DAPK2: variants seen among roughly 807,000 people sequenced by gnomAD.
DAPK2 encodes death-associated protein kinase 2.
In DAPK2, 35 loss-of-function variants were observed where a neutral mutation model predicts 44.1. The observed-to-expected ratio is 0.79, with a 90% CI of 0.61 to 1.05. The LOEUF (loss-of-function observed/expected upper bound fraction) is 1.05, where lower values mean the gene tolerates loss of function less well. DAPK2 is among the 50% of genes least tolerant of loss of function. DAPK2 has a pLI of 0.00. For synonymous variants in DAPK2, 174 were observed against 182.6 expected (o/e 0.95, Z 0.38); for missense variants, 453 against 483.2 (o/e 0.94, Z 0.59).
chr15:63,979,538 C>T (rs1180268493), intron 2 of DAPK2, among the ~76,000 whole-genome samples: 1 of 152,194 alleles, frequency 6.6e-6, no homozygotes, highest in Non-Finnish European at 1.5e-5. Context: ...TGGGCAAACC[C>T]ACTAACCTAT....
In DAPK2 at chr15:63,912,480, G is replaced by C. The variant is rs894567854; in HGVS notation, c.859-283C>G. 3.3e-5 allele frequency among the ~76,000 whole-genome samples: 5 copies of C among 152,242 alleles called. No homozygotes were observed. Among genetic ancestry groups the C allele is most frequent in the Admixed American group, 2.0e-4 (3 of 15,284 alleles). ...CCTGAAGGGGAATAGCAGGAGGCAG[G>C]CCCTCCAATCGCACATCACTTTGGG... is the stretch of plus-strand genomic sequence containing the variant. On this transcript the variant is annotated intron_variant, in intron 8 of 10. Coordinates refer to ENST00000261891, the Ensembl canonical transcript of DAPK2. This position sits in a 1 kb window ranked among gnomAD's most constrained non-coding sequence, Gnocchi z 4.4.
At chr15:64,043,004 C>A (rs1330632667), upstream of DAPK2, among the ~76,000 whole-genome samples, 1 of 152,178 alleles carries the variant, frequency 6.6e-6, no homozygotes, top group African/African-American at 2.4e-5. Context: ...ATGTCTAACC[C>A]AGAGGGAGAG....
intron 1 of DAPK2, among the ~76,000 whole-genome samples, chr15:64,026,970 T>C (rs527513376): frequency 6.6e-6 from 1 of 152,118 alleles, no homozygotes; most frequent in African/African-American, 2.4e-5. Flanking sequence ...ATGACTTACA[T>C]AGTGGCTCAC....
intron 3 of DAPK2, among the ~76,000 whole-genome samples, chr15:63,943,021 T>C (rs2077352967): frequency 1.3e-5 from 2 of 151,464 alleles, no homozygotes; most frequent in African/African-American, 4.9e-5. Flanking sequence ...CCCTGCAATA[T>C]ACAGGACCCA....
rs561767576 is a variant in DAPK2, at chr15:64,021,532, G to A, written c.92+18638C>T. Among the ~76,000 whole-genome samples, 51 of 152,324 alleles carry A rather than the reference G, an allele frequency of 3.3e-4. No homozygotes were observed. The Middle Eastern group carries it at 0.01, about 30-fold the overall frequency. On this transcript the variant is annotated intron_variant, in intron 1 of 10. Transcript: ENST00000261891. ...GATGGCTTTACCAGCCCCTGTGCTCGTTGAGTGCCTACTGTGGATCCAGCC... is the reference window on the plus strand; with the variant it reads ...GATGGCTTTACCAGCCCCTGTGCTCATTGAGTGCCTACTGTGGATCCAGCC...
chr15:64,006,134 A>G (rs1160042851), intron 1 of DAPK2, among the ~76,000 whole-genome samples: 1 of 151,052 alleles, frequency 6.6e-6, no homozygotes, highest in African/African-American at 2.4e-5. Flanking sequence ...CTGGCATCCC[A>G]TCACTCCTGA....
intron 3 of DAPK2, among the ~76,000 whole-genome samples, chr15:63,963,925 T>C (rs1176381125): frequency 6.6e-6 from 1 of 152,218 alleles, no homozygotes; most frequent in Non-Finnish European, 1.5e-5. Context: ...TCTTGAAACA[T>C]TGTAGTTATT....
intron 6 of DAPK2, among the ~76,000 whole-genome samples, chr15:63,928,936 C>T (rs2079409495): frequency 1.3e-5 from 2 of 152,302 alleles, no homozygotes; most frequent in South Asian, 4.1e-4. Context: ...GGCACAGTGG[C>T]TCATACCTGT....
intron 1 of DAPK2, among the ~76,000 whole-genome samples, chr15:64,007,104 T>C (rs1165429449): frequency 6.6e-6 from 1 of 151,970 alleles, no homozygotes; most frequent in African/African-American, 2.4e-5. Context: ...ACTACAAATG[T>C]GTGCCAACCT....
At chr15:63,989,188 CA>C (rs55972299) in intron 1 of DAPK2, among the ~76,000 whole-genome samples, 324 of 109,806 alleles carry the variant, frequency 3.0e-3, no homozygotes, top group African/African-American at 0.011. Flanking sequence ...ACTTTGTCTC[CA>C]AAAAAAAAAA....
At chr15:63,937,930 C>G (rs1461655714) in intron 4 of DAPK2, among the ~76,000 whole-genome samples, 1 of 152,178 alleles carries the variant, frequency 6.6e-6, no homozygotes, top group Non-Finnish European at 1.5e-5. Flanking sequence ...CAACTTGTGA[C>G]CTTGGGTGTG....
intron 1 of DAPK2, among the ~76,000 whole-genome samples, chr15:64,036,319 G>GTATATATATATA (rs57218056): frequency 1.9e-3 from 108 of 56,508 alleles, no homozygotes; most frequent in Non-Finnish European, 2.8e-3. Flanking sequence ...GTATATATAT[G>GTATATATATATA]TATATATATA....
At chr15:63,928,786 A>G (rs1476597053) in intron 6 of DAPK2, among the ~76,000 whole-genome samples, 1 of 152,148 alleles carries the variant, frequency 6.6e-6, no homozygotes, top group Non-Finnish European at 1.5e-5. Flanking sequence ...GGACAGGCAA[A>G]GAGGAAGGAG....
intron 2 of DAPK2, among the ~76,000 whole-genome samples, chr15:63,975,574 A>C (rs937942721): frequency 6.6e-6 from 1 of 151,166 alleles, no homozygotes; most frequent in Non-Finnish European, 1.5e-5. Flanking sequence ...ACTACAGCAT[A>C]CTGAGTATTG....
rs2078813893 is a variant in DAPK2 at position 63,912,162 on chromosome 15, C to T, written c.894G>A (p.Glu298=). Residue 298 remains glutamate, a synonymous_variant, in exon 9 of 11, where the codon GAG becomes GAA. Transcript: ENST00000261891. This position sits in a 1 kb window ranked among gnomAD's most constrained non-coding sequence, Gnocchi z 4.4. ...TGAAGTTCTCCAGATTGACCACAGA[C>T]TCCCTGCGCACCATGGCTTGCTGGT... The T allele has an allele frequency of 6.2e-7, 1 of 1,612,562 alleles. No individual in the cohort carries two copies. Among genetic ancestry groups the T allele is most frequent in the African/African-American group, 1.3e-5 (1 of 74,702 alleles).
At chr15:63,972,756 T>G (rs2078246892) in intron 2 of DAPK2, among the ~76,000 whole-genome samples, 1 of 152,158 alleles carries the variant, frequency 6.6e-6, no homozygotes, top group Non-Finnish European at 1.5e-5. Context: ...AAGACAAAAT[T>G]GTTACTCAAA....
At chr15:64,004,482 T>C (rs2079175562) in intron 1 of DAPK2, among the ~76,000 whole-genome samples, 1 of 152,246 alleles carries the variant, frequency 6.6e-6, no homozygotes, top group Non-Finnish European at 1.5e-5. Context: ...ATCTATGGCT[T>C]GCCTCATGCT....
At chr15:63,951,719 C>G (rs1218902162) in intron 3 of DAPK2, among the ~76,000 whole-genome samples, 4 of 152,300 alleles carry the variant, frequency 2.6e-5, no homozygotes, top group African/African-American at 9.6e-5. Context: ...TACAGTAGAC[C>G]TTCAACAAAT....
At chr15:63,969,043 G>T (rs1287591521) in intron 3 of DAPK2, among the ~76,000 whole-genome samples, 3 of 152,142 alleles carry the variant, frequency 2.0e-5, no homozygotes, top group Non-Finnish European at 2.9e-5. Flanking sequence ...GCCTGCCCAG[G>T]CCTCACCATC....
Sources: allele counts gnomAD v4.1 joint callset (sites outside exome capture counted in the v4.1 genomes callset), GRCh38; gene constraint gnomAD v4.1.1; non-coding constraint Gnocchi (gnomAD v3.1); transcripts MANE v1.5; gene names NCBI Gene and HGNC (gene_info 2026-07-23, HGNC 2026-07-21).